The following DAB1 variants were observed in gnomAD, a reference collection of about 807,000 sequenced individuals.
DAB1 encodes the protein DAB adaptor protein 1.
A neutral mutation model predicts 64.6 loss-of-function variants in DAB1; 15 were observed. The ratio of observed to expected loss-of-function variants is 0.23; its 90% CI spans 0.16 to 0.36. The LOEUF (loss-of-function observed/expected upper bound fraction) is 0.36, where lower values mean the gene tolerates loss of function less well. Ranked by LOEUF, DAB1 falls within the 10% of genes least tolerant of loss-of-function variation. The probability of loss-of-function intolerance (pLI) is 1.00; values close to 1 mark genes in which losing one functional copy is unlikely to be tolerated. For missense variants in DAB1, 596 were observed against 706.7 expected (o/e 0.84, Z 1.78); for synonymous variants, 235 against 251.9 (o/e 0.93, Z 0.64).
At chr1:58,370,171 G>A (rs994188124) in intron 3 of DAB1, among the ~76,000 whole-genome samples, 14 of 152,082 alleles carry the variant, frequency 9.2e-5, no homozygotes, top group Non-Finnish European at 1.3e-4. Context: ...ATAGGGGAAC[G>A]GATTTTTAAA....
intron 4 of DAB1, among the ~76,000 whole-genome samples, chr1:58,224,570 C>T (rs1659357503): frequency 6.6e-6 from 1 of 152,076 alleles, no homozygotes; most frequent in South Asian, 2.1e-4. Flanking sequence ...AGTGGGGACA[C>T]CAAGAAATGC....
chr1:57,293,772 T>TA (rs1439503140), intron 1 of DAB1, among the ~76,000 whole-genome samples: 2 of 152,078 alleles, frequency 1.3e-5, no homozygotes, highest in African/African-American at 2.4e-5. Flanking sequence ...AAGAATTTTT[T>TA]AAAATCAATT....
chr1:58,442,922 A>G (rs1645028272), intron 3 of DAB1, among the ~76,000 whole-genome samples: 1 of 152,178 alleles, frequency 6.6e-6, no homozygotes, highest in African/African-American at 2.4e-5. Context: ...GAATATAGAC[A>G]TCTTATTTTG....
intron 1 of DAB1, among the ~76,000 whole-genome samples, chr1:57,337,863 C>T (rs1036503800): frequency 7.2e-6 from 1 of 138,742 alleles, no homozygotes. Context: ...TTCCCTTTCC[C>T]TTCCCTCCCC....
At chr1:58,259,198 C>G (rs745626098) in intron 4 of DAB1, among the ~76,000 whole-genome samples, 1 of 152,122 alleles carries the variant, frequency 6.6e-6, no homozygotes, top group South Asian at 2.1e-4. Flanking sequence ...CAAACTGGAA[C>G]AGAGACATAG....
chr1:57,069,936 AT>A (rs1285754374), intron 7 of DAB1, among the ~76,000 whole-genome samples: 1 of 152,066 alleles, frequency 6.6e-6, no homozygotes, highest in East Asian at 1.9e-4. Context: ...CATTAAATCG[AT>A]TTTTCCAAGT....
intron 4 of DAB1, among the ~76,000 whole-genome samples, chr1:58,304,936 A>G (rs1275331446): frequency 6.6e-6 from 1 of 152,146 alleles, no homozygotes; most frequent in African/African-American, 2.4e-5. Context: ...AAATGTTTTT[A>G]TACAACACTA....
intron 3 of DAB1, among the ~76,000 whole-genome samples, chr1:58,405,995 G>A (rs2100567711): frequency 6.6e-6 from 1 of 152,290 alleles, no homozygotes; most frequent in East Asian, 1.9e-4. Flanking sequence ...GCTACCAAAT[G>A]TTAGGCACTG....
intron 3 of DAB1, among the ~76,000 whole-genome samples, chr1:58,467,320 G>A (rs994669705): frequency 9.2e-5 from 14 of 152,282 alleles, no homozygotes; most frequent in East Asian, 3.9e-4. Context: ...ATGTAGCAGC[G>A]CTCAAACAAA....
intron 3 of DAB1, among the ~76,000 whole-genome samples, chr1:58,477,635 A>G (rs746973322): frequency 6.6e-6 from 1 of 152,188 alleles, no homozygotes; most frequent in Non-Finnish European, 1.5e-5. Context: ...TGAGTCAGTC[A>G]CACATCCAGC....
chr1:57,559,487 GA>G (rs1308632589), intron 7 of DAB1, among the ~76,000 whole-genome samples: 3 of 152,168 alleles, frequency 2.0e-5, no homozygotes, highest in Admixed American at 1.3e-4. Context: ...GTGCATTGGG[GA>G]AAAGGAGACG....
intron 5 of DAB1, among the ~76,000 whole-genome samples, chr1:58,027,415 T>C (rs971380640): frequency 6.6e-6 from 1 of 152,192 alleles, no homozygotes; most frequent in African/African-American, 2.4e-5. Flanking sequence ...TTTATAATAT[T>C]AAAGTTAATT....
chr1:58,067,595 G>A (rs747445708), intron 5 of DAB1, among the ~76,000 whole-genome samples: 1 of 152,196 alleles, frequency 6.6e-6, no homozygotes, highest in African/African-American at 2.4e-5. Context: ...GAGTCTATGG[G>A]TTAAGAGTGA....
At chr1:57,017,001 C>T (rs968346286) in intron 11 of DAB1, among the ~76,000 whole-genome samples, 2 of 152,106 alleles carry the variant, frequency 1.3e-5, no homozygotes, top group Non-Finnish European at 2.9e-5. Flanking sequence ...TGTCTGTCCC[C>T]CCAAAGCCAG....
intron 7 of DAB1, among the ~76,000 whole-genome samples, chr1:57,607,504 T>A (rs571128560): frequency 6.6e-6 from 1 of 152,312 alleles, no homozygotes; most frequent in South Asian, 2.1e-4. Flanking sequence ...TTGAATTTGA[T>A]CTTGGAAACA....
chr1:57,658,330 G>A (rs1332117557), intron 6 of DAB1, among the ~76,000 whole-genome samples: 3 of 144,760 alleles, frequency 2.1e-5, no homozygotes, highest in African/African-American at 5.2e-5. Context: ...TTTTGAGATG[G>A]AGTCTCACTG....
intron 1 of DAB1, among the ~76,000 whole-genome samples, chr1:57,879,582 G>T (rs1644110403): frequency 6.6e-6 from 1 of 152,172 alleles, no homozygotes; most frequent in Non-Finnish European, 1.5e-5. Context: ...TGGCCAGCAT[G>T]CCCTTTCACA....
intron 4 of DAB1, among the ~76,000 whole-genome samples, chr1:58,183,279 C>A (rs763624585): frequency 6.6e-6 from 1 of 151,988 alleles, no homozygotes; most frequent in Non-Finnish European, 1.5e-5. Flanking sequence ...TTCTGACATG[C>A]CTTCTTGCAT....
chr1:57,174,044 C>T (rs1662050255), intron 2 of DAB1, among the ~76,000 whole-genome samples: 1 of 152,094 alleles, frequency 6.6e-6, no homozygotes, highest in Admixed American at 6.6e-5. Context: ...CAGGAAACAG[C>T]TACATGAAAT....
Sources: gnomAD v4.1 joint callset for allele counts (sites outside exome capture counted in the v4.1 genomes callset) on GRCh38, gnomAD v4.1.1 for gene constraint, MANE v1.5 for transcripts, NCBI Gene and HGNC (gene_info 2026-07-23, HGNC 2026-07-21) for gene names.